Variants in FAF2 observed in about 807,000 individuals in gnomAD.
The protein encoded by FAF2 is FAS-associated factor 2.
FAF2 carries 9 observed loss-of-function variants against 62.3 expected under a neutral mutation model. The ratio of observed to expected loss-of-function variants is 0.14; its 90% CI spans 0.09 to 0.25. FAF2 has a LOEUF of 0.25. Ranked by LOEUF, FAF2 falls within the 10% of genes least tolerant of loss-of-function variation. The pLI, the probability that FAF2 is intolerant of heterozygous loss-of-function variation, is 1.00. For synonymous variants in FAF2, 202 were observed against 198.0 expected, an observed-to-expected ratio of 1.02 and a Z score of -0.17; for missense variants, 368 against 556.2, an observed-to-expected ratio of 0.66 and a Z score of 3.40.
At chr5:176,476,627 C>CT (rs58104178) in intron 1 of FAF2, among the ~76,000 whole-genome samples, 10,598 of 95,118 alleles carry the variant, frequency 0.11, 1,042 homozygotes, top group African/African-American at 0.17. Context: ...ATTAGAGTCC[C>CT]TTTTTTTTTT....
chr5:176,479,501 A>G (rs539860479), intron 2 of FAF2, among the ~76,000 whole-genome samples: 8 of 152,258 alleles, frequency 5.3e-5, no homozygotes, highest in African/African-American at 1.4e-4. Flanking sequence ...TGGGAAAACA[A>G]TTGGTTTTTG....
chr5:176,494,080 T>G lies in FAF2; in HGVS notation c.565T>G (p.Cys189Gly). The G allele has an allele frequency of 6.2e-7, 1 of 1,613,776 alleles. No individual in the cohort carries two copies. Among genetic ancestry groups the G allele is most frequent in the Non-Finnish European group, 8.5e-7 (1 of 1,179,632 alleles). Residue 189 changes from cysteine to glycine, a missense_variant, in exon 6 of 11, where the codon TGT becomes GGT. Transcript: ENST00000261942. This position sits in a 1 kb window ranked among gnomAD's most constrained non-coding sequence, Gnocchi z 4.0. ...TGATCACCAGGACTCTGATGAGTTT[T>G]GTCGGTAAGTGGATTGATTATTTTC... The part of the protein sequence containing the change: ...GDDHQDSDEF[C>G]RNTLCAPEVI...
At chr5:176,469,528 G>A (rs1359588455) in intron 1 of FAF2, among the ~76,000 whole-genome samples, 1 of 152,194 alleles carries the variant, frequency 6.6e-6, no homozygotes, top group Non-Finnish European at 1.5e-5. Flanking sequence ...AATGAATATT[G>A]GCTTGAGACA....
At chr5:176,451,931 T>TA in intron 1 of FAF2, among the ~76,000 whole-genome samples, 1 of 108,198 alleles carries the variant, frequency 9.2e-6, no homozygotes, top group South Asian at 3.3e-4. Flanking sequence ...TGAGACAACA[T>TA]ATCTCTGTTG....
chr5:176,471,935 C>T (rs1490876542), intron 1 of FAF2, among the ~76,000 whole-genome samples: 1 of 152,062 alleles, frequency 6.6e-6, no homozygotes, highest in Non-Finnish European at 1.5e-5. Flanking sequence ...CCCCCTCGGT[C>T]TCCCAAAGTG....
At chr5:176,458,964 G>T (rs1758327503) in intron 1 of FAF2, among the ~76,000 whole-genome samples, 1 of 152,038 alleles carries the variant, frequency 6.6e-6, no homozygotes, top group Non-Finnish European at 1.5e-5. Context: ...TTCCTTGAAG[G>T]ACTTAAGGAT....
intron 1 of FAF2, among the ~76,000 whole-genome samples, chr5:176,457,122 ATTACCT>A (rs1033166054): frequency 9.2e-5 from 14 of 152,178 alleles, no homozygotes; most frequent in African/African-American, 3.4e-4. Flanking sequence ...TGAGTAACAG[ATTACCT>A]TTACAGCAGA....
At chr5:176,469,042 C>T (rs1438838498) in intron 1 of FAF2, among the ~76,000 whole-genome samples, 5 of 152,032 alleles carry the variant, frequency 3.3e-5, no homozygotes, top group South Asian at 4.2e-4. Flanking sequence ...GTCAGGAGTT[C>T]GAGACCAGCC....
intron 1 of FAF2, among the ~76,000 whole-genome samples, chr5:176,451,815 C>CATATATATACAT (rs1758178608): frequency 4.0e-5 from 1 of 25,250 alleles, no homozygotes; most frequent in Non-Finnish European, 6.5e-5. Flanking sequence ...TATATACACA[C>CATATATATACAT]ATATATATAT....
At position 176,450,583 on chromosome 5, in the gene FAF2, C is replaced by T. The variant is rs13354099; in HGVS notation, c.63+2113C>T. On this transcript the variant is annotated intron_variant, in intron 1 of 10. Coordinates refer to ENST00000261942, the MANE Select transcript of FAF2 (RefSeq NM_014613.3). ...TTTTTTTTTTTTTGAGACGGAGTTT[C>T]GCTCTTGTTGCCCAGGCTGGAGTGC... 2.0e-3 allele frequency among the ~76,000 whole-genome samples: 294 copies of T among 147,232 alleles called. 1 individual carries two copies. The highest frequency in any genetic ancestry group is 6.6e-3 in the African/African-American group (262 of 39,814).
chr5:176,460,513 CGTGT>C (rs747582699), intron 1 of FAF2, among the ~76,000 whole-genome samples: 1,624 of 132,640 alleles, frequency 0.012, 26 homozygotes, highest in African/African-American at 0.035. Context: ...TTTTTGGCCG[CGTGT>C]GTGTGTGTGT....
chr5:176,467,810 G>T lies in FAF2; in HGVS notation c.64-11378G>T, dbSNP rs186802695. ...ATTGTTGAGGAAAATGTGAAGATTA[G>T]CTATGTTAGTTCCTGACACAGAGTA... is the stretch of plus-strand genomic sequence containing the variant. On this transcript the variant is annotated intron_variant, in intron 1 of 10. Transcript: ENST00000261942. 5.1e-3 allele frequency among the ~76,000 whole-genome samples: 778 copies of T among 152,332 alleles called. 7 individuals carry two copies. Among genetic ancestry groups the T allele is most frequent in the African/African-American group, 0.017 (719 of 41,576 alleles).
intron 2 of FAF2, among the ~76,000 whole-genome samples, chr5:176,484,914 A>T (rs1426065206): frequency 6.6e-6 from 1 of 151,776 alleles, no homozygotes; most frequent in Non-Finnish European, 1.5e-5. Context: ...AAAAAAGGTT[A>T]AAGTTCCTGA....
At chr5:176,461,318 T>TTC (rs1758374005) in intron 1 of FAF2, among the ~76,000 whole-genome samples, 1 of 138,516 alleles carries the variant, frequency 7.2e-6, no homozygotes, top group Non-Finnish European at 1.6e-5. Context: ...CCAGCTTTTT[T>TTC]TTTTTTTTTT....
At chr5:176,486,616 C>A in intron 3 of FAF2, 127 bp downstream of exon 3, 3 of 910,494 alleles carry the variant, frequency 3.3e-6, no homozygotes, top group Non-Finnish European at 4.9e-6. Context: ...TTAGACTTGG[C>A]CCGTTGGGTG....
intron 1 of FAF2, among the ~76,000 whole-genome samples, chr5:176,469,437 A>G (rs1758522967): frequency 6.6e-6 from 1 of 152,196 alleles, no homozygotes; most frequent in African/African-American, 2.4e-5. Context: ...AAGCTAATGG[A>G]ATGTCTCCAG....
At chr5:176,475,542 C>T (rs1007378612) in intron 1 of FAF2, among the ~76,000 whole-genome samples, 7 of 152,106 alleles carry the variant, frequency 4.6e-5, no homozygotes, top group African/African-American at 1.7e-4. Context: ...TTTGGGAGGC[C>T]GAGGCGGGTG....
Position 176,494,593 on chromosome 5 carries a change from C to T in FAF2, c.661+318C>T, listed in dbSNP as rs919338175. Among the ~76,000 whole-genome samples the T allele has an allele frequency of 2.6e-5, 4 of 152,114 alleles. No homozygotes were observed. Among genetic ancestry groups the T allele is most frequent in the Non-Finnish European group, 5.9e-5 (4 of 67,992 alleles). ...TTTTTGAGATGGAGTCTTGCTCTGT[C>T]GCCCAGGCTGGAGTGCAGTGGTGCG... is the stretch of plus-strand genomic sequence containing the variant. On this transcript the variant is annotated intron_variant, in intron 7 of 10. Coordinates refer to ENST00000261942, the MANE Select transcript of FAF2 (RefSeq NM_014613.3). The surrounding 1 kb of genome is among the most constrained non-coding windows in gnomAD (Gnocchi z 4.0).
rs746941965 is a variant in FAF2 at position 176,496,678 on chromosome 5, C to T, written c.839+15C>T. The T allele has an allele frequency of 2.7e-6, 4 of 1,501,630 alleles. No individual in the cohort carries two copies. Among genetic ancestry groups the T allele is most frequent in the Admixed American group, 2.2e-5 (1 of 46,180 alleles). 93.0% of individuals were successfully genotyped at this position (1,501,630 alleles called of 1,614,324 possible). On this transcript the variant is annotated intron_variant, in intron 8 of 10. Coordinates refer to ENST00000261942, the MANE Select transcript of FAF2 (RefSeq NM_014613.3). ...CGCCTAGAAAGGTACAAGGGAGTTC[C>T]CTTCTGGAACAGAGAGAGACCAGTT...
Sources: gnomAD v4.1 joint callset for allele counts (sites outside exome capture counted in the v4.1 genomes callset) on GRCh38, gnomAD v4.1.1 for gene constraint, Gnocchi (gnomAD v3.1) non-coding constraint, MANE v1.5 for transcripts, NCBI Gene and HGNC (gene_info 2026-07-23, HGNC 2026-07-21) for gene names.